The following PLCL1 variants were observed in gnomAD, a reference collection of about 807,000 sequenced individuals.
The protein encoded by PLCL1 is phospholipase C like 1 (inactive), also known as inactive phospholipase C-like protein 1.
In PLCL1, 41 loss-of-function variants were observed where a neutral mutation model predicts 84.4. The observed-to-expected ratio is 0.49, with a 90% CI of 0.38 to 0.63. The LOEUF (loss-of-function observed/expected upper bound fraction) is 0.63. Ranked by LOEUF, PLCL1 falls within the 30% of genes least tolerant of loss-of-function variation. PLCL1 has a pLI of 0.00. For missense variants in PLCL1, 1,206 were observed against 1,367.8 expected, an observed-to-expected ratio of 0.88 and a Z score of 1.87; for synonymous variants, 490 against 488.3, an observed-to-expected ratio of 1.00 and a Z score of -0.05.
intron 1 of PLCL1, among the ~76,000 whole-genome samples, chr2:198,037,405 G>A (rs1691572660): frequency 6.6e-6 from 1 of 152,168 alleles, no homozygotes. Context: ...AGAGGTTAAT[G>A]TCCTGCAATA....
chr2:197,862,050 C>T (rs1204238936), intron 1 of PLCL1, among the ~76,000 whole-genome samples: 1 of 152,084 alleles, frequency 6.6e-6, no homozygotes, highest in African/African-American at 2.4e-5. Flanking sequence ...GCATTTTCCC[C>T]TTTAAGTGAT....
intron 1 of PLCL1, among the ~76,000 whole-genome samples, chr2:198,073,937 C>T (rs1381867090): frequency 6.6e-6 from 1 of 152,116 alleles, no homozygotes; most frequent in Non-Finnish European, 1.5e-5. Flanking sequence ...GAAATTTAGT[C>T]TCCTTGTCCC....
chr2:198,091,524 A>C (rs1397349122), intron 3 of PLCL1, among the ~76,000 whole-genome samples: 1 of 151,712 alleles, frequency 6.6e-6, no homozygotes, highest in African/African-American at 2.4e-5. Flanking sequence ...TACTAAAAAT[A>C]CAAAAATTAG....
chr2:198,047,658 G>A (rs149438775), intron 1 of PLCL1, among the ~76,000 whole-genome samples: 2,276 of 152,304 alleles, frequency 0.015, 18 homozygotes, highest in Non-Finnish European at 0.025. Flanking sequence ...GCACACAGTT[G>A]AACATATATT....
intron 1 of PLCL1, among the ~76,000 whole-genome samples, chr2:197,837,656 G>A (rs902858847): frequency 6.6e-6 from 1 of 152,210 alleles, no homozygotes; most frequent in African/African-American, 2.4e-5. Flanking sequence ...TGACTGGCGG[G>A]TGACCCACTG....
chr2:197,853,532 G>A (rs1241287307), intron 1 of PLCL1, among the ~76,000 whole-genome samples: 1 of 152,148 alleles, frequency 6.6e-6, no homozygotes, highest in Non-Finnish European at 1.5e-5. Flanking sequence ...AACTGGAAGA[G>A]GGCTATCAGG....
At chr2:197,997,237 G>A (rs1166790984) in intron 1 of PLCL1, among the ~76,000 whole-genome samples, 1 of 152,224 alleles carries the variant, frequency 6.6e-6, no homozygotes, top group Non-Finnish European at 1.5e-5. Flanking sequence ...CCTTAATGGG[G>A]CGGGGGCGTG....
At chr2:198,025,984 C>T (rs1003180506) in intron 1 of PLCL1, among the ~76,000 whole-genome samples, 1 of 152,044 alleles carries the variant, frequency 6.6e-6, no homozygotes, top group African/African-American at 2.4e-5. Context: ...TGCAATGGGG[C>T]CATTGTTGTC....
At chr2:197,999,800 A>T (rs1166905098) in intron 1 of PLCL1, among the ~76,000 whole-genome samples, 1 of 152,160 alleles carries the variant, frequency 6.6e-6, no homozygotes, top group East Asian at 1.9e-4. Flanking sequence ...TAGAACCAAC[A>T]TTCCTCCCTT....
At position 198,106,405 on chromosome 2, in the gene PLCL1, A is replaced by G. The variant is rs1183241217; in HGVS notation, c.3105+2469A>G. Among the ~76,000 whole-genome samples the G allele has an allele frequency of 5.3e-5, 8 of 151,884 alleles. No homozygotes were observed. In the East Asian group the frequency reaches 1.6e-3, roughly 29 times the overall value. ...TGGAGAACATGAGATACAGACCCTGACCTCATGAAGTTAGCAGTCTGAGTC... is the reference window on the plus strand; with the variant it reads ...TGGAGAACATGAGATACAGACCCTGGCCTCATGAAGTTAGCAGTCTGAGTC... On this transcript the variant is annotated intron_variant, in intron 5 of 5. Coordinates refer to ENST00000428675, the MANE Select transcript of PLCL1 (RefSeq NM_006226.4).
intron 1 of PLCL1, among the ~76,000 whole-genome samples, chr2:198,020,864 T>A (rs1439502287): frequency 6.6e-6 from 1 of 152,030 alleles, no homozygotes; most frequent in African/African-American, 2.4e-5. Context: ...GCAAGAATAT[T>A]CAGGACTGGA....
At chr2:197,933,238 T>C (rs1688979521) in intron 1 of PLCL1, among the ~76,000 whole-genome samples, 1 of 151,730 alleles carries the variant, frequency 6.6e-6, no homozygotes, top group Non-Finnish European at 1.5e-5. Flanking sequence ...CATCTGATGT[T>C]TGTGTTGTTT....
intron 1 of PLCL1, among the ~76,000 whole-genome samples, chr2:197,835,321 A>G (rs986260512): frequency 1.3e-5 from 2 of 152,350 alleles, no homozygotes; most frequent in African/African-American, 4.8e-5. Context: ...TAAAATGTGC[A>G]TAACAGAAAT....
intron 1 of PLCL1, among the ~76,000 whole-genome samples, chr2:197,868,116 C>CTAT (rs1687582526): frequency 6.6e-6 from 1 of 152,170 alleles, no homozygotes; most frequent in Non-Finnish European, 1.5e-5. Flanking sequence ...ATTATCTTAG[C>CTAT]TATTATAACT....
chr2:198,003,892 A>G lies in PLCL1; in HGVS notation c.241-79866A>G, dbSNP rs186555614. On this transcript the variant is annotated intron_variant, in intron 1 of 5. Transcript: ENST00000428675. ...CCTCAAGACCTCTTTCCACCACAAA[A>G]CTGAATATCCTAATTAGAGAATCCA... Among the ~76,000 whole-genome samples the G allele has an allele frequency of 1.2e-3, 180 of 152,310 alleles. 1 individual carries two copies. Among genetic ancestry groups the G allele is most frequent in the African/African-American group, 4.2e-3 (175 of 41,576 alleles).
Position 198,083,987 on chromosome 2 carries a change from A to G in PLCL1, c.470A>G (p.Lys157Arg), listed in dbSNP as rs763834112. The G allele has an allele frequency of 1.2e-6, 2 of 1,614,190 alleles. No homozygotes were observed. The highest frequency in any genetic ancestry group is 1.7e-6 in the Non-Finnish European group (2 of 1,180,008). Residue 157 changes from lysine (K) to arginine (R), a missense_variant, in exon 2 of 6, where the codon AAG (lysine) becomes AGG (arginine). Transcript: ENST00000428675. ...EPSKKDLEKA[K>R]LDISAIKEIR... Reference sequence around the variant, plus strand: ...TCAAAGAAAGACCTCGAGAAAGCCAAGCTTGATATTTCTGCCATAAAAGAG... The same window carrying G: ...TCAAAGAAAGACCTCGAGAAAGCCAGGCTTGATATTTCTGCCATAAAAGAG...
At chr2:197,886,302 C>T (rs13012313) in intron 1 of PLCL1, among the ~76,000 whole-genome samples, 1 of 151,374 alleles carries the variant, frequency 6.6e-6, no homozygotes, top group African/African-American at 2.4e-5. Context: ...GTCCCAGTTA[C>T]TCAGGAGGCT....
Position 198,127,920 on chromosome 2 carries a change from TTACTTACA to T in PLCL1, c.3106-18857_3106-18850del, listed in dbSNP as rs1240545742. Among the ~76,000 whole-genome samples, 8 of 152,268 alleles carry T rather than the reference TTACTTACA, an allele frequency of 5.3e-5. No homozygotes were observed. In the East Asian group the frequency reaches 1.4e-3, roughly 26 times the overall value. On this transcript the variant is annotated intron_variant, in intron 5 of 5. Coordinates refer to ENST00000428675, the MANE Select transcript of PLCL1 (RefSeq NM_006226.4). ...TTTTTACTTTTAAGTTTAGGTAGAT[TTACTTACA>T]TATAAATTTATGTACTTTTTATTTT...
chr2:198,038,733 T>C (rs1005421702), intron 1 of PLCL1, among the ~76,000 whole-genome samples: 2 of 152,030 alleles, frequency 1.3e-5, no homozygotes, highest in Middle Eastern at 3.4e-3. Flanking sequence ...ATTAAGACTG[T>C]GTTTGTACAG....
Sources: allele counts gnomAD v4.1 joint callset (sites outside exome capture counted in the v4.1 genomes callset), GRCh38; gene constraint gnomAD v4.1.1; transcripts MANE v1.5; gene names NCBI Gene and HGNC (gene_info 2026-07-23, HGNC 2026-07-21).